Variants in RNF14 observed in about 807,000 individuals in gnomAD.
The protein encoded by RNF14 is ring finger protein 14.
RNF14 carries 26 observed loss-of-function variants against 52.6 expected under a neutral mutation model. The ratio of observed to expected loss-of-function variants is 0.49; its 90% confidence interval spans 0.36 to 0.69. The LOEUF (loss-of-function observed/expected upper bound fraction) is 0.69, where lower values mean the gene tolerates loss of function less well. RNF14 is among the 30% of genes least tolerant of loss of function. The pLI is 0.00. For synonymous variants in RNF14, 194 were observed against 202.0 expected (o/e 0.96, Z 0.34); for missense variants, 404 against 560.4 (o/e 0.72, Z 2.82).
At chr5:141,971,252 T>C (rs1753717311) in intron 2 of RNF14, among the ~76,000 whole-genome samples, 1 of 152,268 alleles carries the variant, frequency 6.6e-6, no homozygotes, top group African/African-American at 2.4e-5. Flanking sequence ...ATTCATACTT[T>C]ATTTTTTGAG....
At chr5:141,972,480 A>G (rs570627755) in intron 2 of RNF14, among the ~76,000 whole-genome samples, 1 of 152,294 alleles carries the variant, frequency 6.6e-6, no homozygotes, top group South Asian at 2.1e-4. Flanking sequence ...GATGCTGTTA[A>G]GATTCTATAA....
upstream of RNF14, among the ~76,000 whole-genome samples, chr5:141,963,441 GA>G (rs1036321987): frequency 1.2e-4 from 18 of 145,222 alleles, no homozygotes; most frequent in African/African-American, 4.4e-4. Flanking sequence ...TTAGTAAACA[GA>G]AAAAAAAATC....
rs1457576031 is a variant in RNF14, at chr5:141,988,063, GTTAAAAA to G, written c.*279_*285del. On this transcript the variant is annotated 3_prime_UTR_variant, in exon 9 of 9. Coordinates refer to ENST00000394520, the MANE Select transcript of RNF14 (RefSeq NM_004290.5). ...TATAATGTGCCCAAAGCTCTGAATAGTTAAAAATTAAATATTTATTTTCTTCCCCAAG... is the reference window on the plus strand; with the variant it reads ...TATAATGTGCCCAAAGCTCTGAATAGTTAAATATTTATTTTCTTCCCCAAG... The G allele has an allele frequency of 1.1e-5, 4 of 358,690 alleles. No individual in the cohort carries two copies. The highest frequency in any genetic ancestry group is 1.5e-5 in the Non-Finnish European group (3 of 197,282). 22.2% of individuals were successfully genotyped at this position (358,690 alleles called of 1,614,324 possible). A position where few individuals can be genotyped will look rare whatever the true frequency, so the allele number is the denominator to read the frequency against.
rs942535978 is a variant in RNF14, at chr5:141,976,119, G to A, written c.306+1164G>A. ...TTAAACCTTAAAAAGGATAACACAG[G>A]TAGAATAAAAAGGAGTATTACTTTA... On this transcript the variant is annotated intron_variant, in intron 4 of 8. Transcript: ENST00000394520. 2.3e-4 allele frequency among the ~76,000 whole-genome samples: 35 copies of A among 152,128 alleles called. 1 individual carries two copies. Among genetic ancestry groups the A allele is most frequent in the Admixed American group, 2.3e-3 (35 of 15,278 alleles).
chr5:141,980,367 G>C lies in RNF14; in HGVS notation c.1063+16G>C. 1 of 1,591,278 alleles carries C rather than the reference G, an allele frequency of 6.3e-7. No individual in the cohort carries two copies. Among genetic ancestry groups the C allele is most frequent in the Non-Finnish European group, 8.6e-7 (1 of 1,160,864 alleles). The stretch of plus-strand genomic sequence containing the variant: ...GTGACTGCAGGTATGTTTTAACTGT[G>C]AACCCAAACCCCCATCCCCAGTCTC... On this transcript the variant is annotated intron_variant, in intron 6 of 8. Transcript: ENST00000394520.
chr5:141,965,408 T>A (rs1332220797), upstream of RNF14, among the ~76,000 whole-genome samples: 1 of 152,214 alleles, frequency 6.6e-6, no homozygotes, highest in Non-Finnish European at 1.5e-5. Context: ...GGCTCCGTCA[T>A]CATCCGGTGT....
At chr5:141,972,796 G>A (rs184525800) in intron 2 of RNF14, among the ~76,000 whole-genome samples, 11 of 152,172 alleles carry the variant, frequency 7.2e-5, no homozygotes, top group African/African-American at 2.7e-4. Context: ...TCACCACGTT[G>A]GCCAGGCTGG....
At chr5:141,967,813 G>C (rs552705903), upstream of RNF14, among the ~76,000 whole-genome samples, 3 of 152,184 alleles carry the variant, frequency 2.0e-5, no homozygotes, top group African/African-American at 7.2e-5. Context: ...ACGGTGCTTT[G>C]TACCTAAAAA....
chr5:141,968,269 C>T (rs1435664877), upstream of RNF14, among the ~76,000 whole-genome samples: 4 of 151,988 alleles, frequency 2.6e-5, no homozygotes, highest in Non-Finnish European at 4.4e-5. Context: ...CCATGCCCGG[C>T]TTATTTTTTG....
At chr5:141,964,525 G>A (rs948526992), upstream of RNF14, among the ~76,000 whole-genome samples, 2 of 152,264 alleles carry the variant, frequency 1.3e-5, no homozygotes, top group East Asian at 3.9e-4. Flanking sequence ...GTGGGGCCTG[G>A]GATATAAGTA....
chr5:141,957,292 C>T (rs1295594166), upstream of RNF14: 2 of 1,613,286 alleles, frequency 1.2e-6, no homozygotes, highest in East Asian at 4.5e-5. This position sits in a 1 kb window ranked among gnomAD's most constrained non-coding sequence, Gnocchi z 4.3. Flanking sequence ...CTCATCAGGG[C>T]CCACAATGAC....
chr5:141,958,974 A>T (rs188324236), intron 1 of RNF14: 4 of 152,394 alleles, frequency 2.6e-5, no homozygotes, highest in Admixed American at 6.5e-5. Flanking sequence ...GTCCCTGCCC[A>T]CACTGACTTA....
upstream of RNF14, among the ~76,000 whole-genome samples, chr5:141,962,253 C>T (rs766663593): frequency 1.3e-5 from 2 of 152,196 alleles, no homozygotes; most frequent in Non-Finnish European, 2.9e-5. Context: ...AAAAAGAATG[C>T]ACTTTGCAGG....
At chr5:141,969,552 A>G (rs1255891636) in intron 1 of RNF14, 1 of 152,310 alleles carries the variant, frequency 6.6e-6, no homozygotes, top group African/African-American at 2.4e-5. Context: ...CTGAACCCAG[A>G]CTAGGACACC....
At chr5:141,978,161 TAGC>T (rs1754427553) in intron 4 of RNF14, 139 bp from the exon 5 acceptor site, 1 of 633,496 alleles carries the variant, frequency 1.6e-6, no homozygotes, top group Non-Finnish European at 2.7e-6. Flanking sequence ...GTTTTGTATG[TAGC>T]ACAGTGTATC....
upstream of RNF14, chr5:141,957,062 T>A: frequency 6.2e-7 from 1 of 1,613,816 alleles, no homozygotes; most frequent in Non-Finnish European, 8.5e-7. This position sits in a 1 kb window ranked among gnomAD's most constrained non-coding sequence, Gnocchi z 4.3. Flanking sequence ...GTCAGTTTTA[T>A]GAGAAGCGTA....
At chr5:141,956,641 C>T, upstream of RNF14, 1 of 1,614,170 alleles carries the variant, frequency 6.2e-7, no homozygotes. Flanking sequence ...GCCATTAGTT[C>T]TTTTCAGCCT....
intron 1 of RNF14, among the ~76,000 whole-genome samples, chr5:141,961,612 CCCTT>C (rs1169312789): frequency 6.6e-6 from 1 of 152,100 alleles, no homozygotes; most frequent in Non-Finnish European, 1.5e-5. Flanking sequence ...AGGACAGCCT[CCCTT>C]AAGTCCAAAA....
intron 4 of RNF14, 70 bp from the exon 5 acceptor site, chr5:141,978,233 A>G: frequency 2.2e-6 from 3 of 1,388,622 alleles, no homozygotes; most frequent in Non-Finnish European, 9.8e-7. Flanking sequence ...AAAGATTTCT[A>G]GGGAAACCAG....
Sources: gnomAD v4.1 joint callset for allele counts (sites outside exome capture counted in the v4.1 genomes callset) on GRCh38, gnomAD v4.1.1 for gene constraint, Gnocchi (gnomAD v3.1) non-coding constraint, MANE v1.5 for transcripts, NCBI Gene and HGNC (gene_info 2026-07-23, HGNC 2026-07-21) for gene names.